The following DNAJC13 variants were observed in gnomAD, a reference collection of about 807,000 sequenced individuals.
The protein encoded by DNAJC13 is DnaJ heat shock protein family (Hsp40) member C13.
A neutral mutation model predicts 290.5 loss-of-function variants in DNAJC13; 75 were observed. The ratio of observed to expected loss-of-function variants is 0.26; its 90% CI spans 0.21 to 0.31. The LOEUF (loss-of-function observed/expected upper bound fraction) is 0.31, where lower values mean the gene tolerates loss of function less well. Among genes scored for constraint, DNAJC13 ranks in the 10% least tolerant of loss-of-function variants. DNAJC13 has a pLI of 1.00. For missense variants in DNAJC13, 2,260 were observed against 2,674.5 expected, an observed-to-expected ratio of 0.85 and a Z score of 3.42; for synonymous variants, 862 against 892.0, an observed-to-expected ratio of 0.97 and a Z score of 0.60.
intron 52 of DNAJC13, 89 bp downstream of exon 52, chr3:132,525,878 T>TCC (rs1936239440): frequency 7.0e-7 from 1 of 1,423,522 alleles, no homozygotes; most frequent in Non-Finnish European, 9.5e-7. Flanking sequence ...ATTATATAAA[T>TCC]CCCCTTTCTG....
At chr3:132,518,424 C>T (rs1935988569) in intron 48 of DNAJC13, among the ~76,000 whole-genome samples, 1 of 152,108 alleles carries the variant, frequency 6.6e-6, no homozygotes, top group Non-Finnish European at 1.5e-5. Flanking sequence ...GCAATCTTAG[C>T]TCACTGCAGC....
In DNAJC13 at chr3:132,522,861, G is replaced by A. The variant is rs150102948; in HGVS notation, c.5707G>A (p.Val1903Ile). ...RITLMKFLPSVFMDAMRDNPE... is the reference protein window; with the variant it reads ...RITLMKFLPSIFMDAMRDNPE... Reference sequence around the variant, plus strand: ...TACGTTAATGAAATTTCTACCAAGCGTTTTCATGGATGCTATGAGAGACAA... The same window carrying A: ...TACGTTAATGAAATTTCTACCAAGCATTTTCATGGATGCTATGAGAGACAA... Residue 1903 changes from valine to isoleucine, a missense_variant, in exon 49 of 56, where the codon GTT becomes ATT. Physicochemically the swap from Val to Ile is conservative, Grantham distance 29 (BLOSUM62 3). Around this residue, in one of 3 missense-constraint regions of DNAJC13, gnomAD observed 1,494 missense variants for 1,693.7 expected, o/e 0.88. Transcript: ENST00000260818. 1.6e-5 allele frequency: 26 copies of A among 1,609,098 alleles called. No homozygotes were observed. Among genetic ancestry groups the A allele is most frequent in the African/African-American group, 5.4e-5 (4 of 74,702 alleles).
chr3:132,488,600 CAGA>C (rs1934962092), intron 30 of DNAJC13, 148 bp downstream of exon 30: 2 of 805,116 alleles, frequency 2.5e-6, no homozygotes, highest in Non-Finnish European at 1.8e-6. Flanking sequence ...AGTTGGAAAG[CAGA>C]AGAATGGGGG....
At chr3:132,503,513 A>G in intron 41 of DNAJC13, 132 bp downstream of exon 41, 1 of 1,099,996 alleles carries the variant, frequency 9.1e-7, no homozygotes, top group Non-Finnish European at 1.3e-6. Context: ...CTCAAGCAAG[A>G]AATTCACTTT....
chr3:132,426,800 T>C (rs904976799), intron 1 of DNAJC13, among the ~76,000 whole-genome samples: 1 of 152,110 alleles, frequency 6.6e-6, no homozygotes, highest in Admixed American at 6.5e-5. Flanking sequence ...GTTTTTTTTT[T>C]CTTGAAAGTT....
At chr3:132,514,921 T>TACGGCGACCACA in intron 46 of DNAJC13, 1 of 194,554 alleles carries the variant, frequency 5.1e-6, no homozygotes, top group South Asian at 4.3e-5. Context: ...TTCAGTTTGT[T>TACGGCGACCACA]GAGATCTACA....
chr3:132,512,017 G>C (rs200595769), intron 44 of DNAJC13, among the ~76,000 whole-genome samples: 2 of 152,068 alleles, frequency 1.3e-5, no homozygotes, highest in Admixed American at 1.3e-4. Context: ...GGAAAATTAC[G>C]CATTTACAAG....
intron 29 of DNAJC13, among the ~76,000 whole-genome samples, chr3:132,487,503 A>G (rs1448513544): frequency 1.5e-5 from 2 of 136,864 alleles, no homozygotes; most frequent in Non-Finnish European, 3.0e-5. Context: ...TGATCCGCCC[A>G]CCTCAGGCCC....
chr3:132,486,082 CTTT>C (rs758049804), intron 29 of DNAJC13, among the ~76,000 whole-genome samples: 987 of 40,406 alleles, frequency 0.024, 4 homozygotes, highest in African/African-American at 0.036. Flanking sequence ...ATGCCCTATC[CTTT>C]TTTTTTTTTT....
chr3:132,453,176 T>A (rs1167388457), intron 6 of DNAJC13, 122 bp from the exon 7 acceptor site: 1 of 803,686 alleles, frequency 1.2e-6, no homozygotes, highest in Non-Finnish European at 1.9e-6. Flanking sequence ...CTTATTTGCC[T>A]CTAATACCTA....
chr3:132,437,034 A>G (rs938360866), intron 2 of DNAJC13, among the ~76,000 whole-genome samples: 1 of 151,856 alleles, frequency 6.6e-6, no homozygotes, highest in Non-Finnish European at 1.5e-5. Flanking sequence ...ACATGCCACC[A>G]TGCCTAGCTA....
intron 46 of DNAJC13, among the ~76,000 whole-genome samples, chr3:132,515,550 CT>C (rs901059687): frequency 6.6e-6 from 1 of 150,768 alleles, no homozygotes; most frequent in Non-Finnish European, 1.5e-5. Context: ...GTTGGTTTTT[CT>C]TTTTTCTTGG....
intron 52 of DNAJC13, 122 bp downstream of exon 52, chr3:132,525,911 ACC>A: frequency 8.0e-7 from 1 of 1,245,932 alleles, no homozygotes; most frequent in Non-Finnish European, 1.1e-6. Flanking sequence ...TTGCATACGA[ACC>A]ACATGGTATT....
intron 32 of DNAJC13, 26 bp downstream of exon 32, chr3:132,491,077 T>C (rs570340674): frequency 2.7e-5 from 42 of 1,557,386 alleles, no homozygotes; most frequent in Non-Finnish European, 3.6e-5. Context: ...ACTGATTGAT[T>C]TGTATTTTAT....
intron 48 of DNAJC13, among the ~76,000 whole-genome samples, chr3:132,520,197 C>T (rs1936047606): frequency 6.6e-6 from 1 of 152,166 alleles, no homozygotes; most frequent in Admixed American, 6.5e-5. Flanking sequence ...ATCTCTGTTA[C>T]AAATATTGAG....
At chr3:132,507,460 C>A in intron 43 of DNAJC13, 107 bp downstream of exon 43, 5 of 684,832 alleles carry the variant, frequency 7.3e-6, no homozygotes, top group Non-Finnish European at 1.2e-5. Context: ...ATTGCACTTT[C>A]TTTACTGTGC....
intron 43 of DNAJC13, among the ~76,000 whole-genome samples, chr3:132,507,977 A>G (rs1205238544): frequency 1.3e-5 from 2 of 152,210 alleles, no homozygotes; most frequent in Non-Finnish European, 2.9e-5. Context: ...TTGTGAGTGC[A>G]AAGGAAAAGT....
At chr3:132,456,043 CA>C (rs1933587800) in intron 9 of DNAJC13, among the ~76,000 whole-genome samples, 191 bp from the exon 10 acceptor site, 1 of 152,072 alleles carries the variant, frequency 6.6e-6, no homozygotes, top group African/African-American at 2.4e-5. Flanking sequence ...GTAACTTGTA[CA>C]AGGTCATGTA....
chr3:132,456,100 CTGTT>C, intron 9 of DNAJC13, 131 bp from the exon 10 acceptor site: 1 of 707,394 alleles, frequency 1.4e-6, no homozygotes, highest in Non-Finnish European at 2.3e-6. Flanking sequence ...TAAAGCCCCA[CTGTT>C]TGTGTTTCCC....
Sources: gnomAD v4.1 joint callset for allele counts (sites outside exome capture counted in the v4.1 genomes callset) on GRCh38, gnomAD v4.1.1 for gene constraint, gnomAD v4.1.1 regional missense constraint, MANE v1.5 for transcripts, NCBI Gene and HGNC (gene_info 2026-07-23, HGNC 2026-07-21) for gene names.